Variants in MAGI3 observed in about 807,000 individuals in gnomAD.
MAGI3 encodes membrane associated guanylate kinase, WW and PDZ domain containing 3.
MAGI3 carries 43 observed loss-of-function variants against 121.8 expected under a neutral mutation model. The observed-to-expected ratio is 0.35, with a 90% confidence interval of 0.28 to 0.46. The LOEUF (loss-of-function observed/expected upper bound fraction) is 0.46. Among genes scored for constraint, MAGI3 ranks in the 20% least tolerant of loss-of-function variants. The pLI is 1.00. For missense variants in MAGI3, 1,547 were observed against 1,797.3 expected, an observed-to-expected ratio of 0.86 and a Z score of 2.52; for synonymous variants, 553 against 639.3, an observed-to-expected ratio of 0.86 and a Z score of 2.04.
At chr1:113,460,251 A>G (rs1570707567) in intron 1 of MAGI3, among the ~76,000 whole-genome samples, 1 of 152,340 alleles carries the variant, frequency 6.6e-6, no homozygotes, top group East Asian at 1.9e-4. Flanking sequence ...TCAATAAACT[A>G]GGTATTGAAG....
intron 1 of MAGI3, among the ~76,000 whole-genome samples, chr1:113,534,640 A>G (rs750994973): frequency 9.9e-5 from 15 of 152,180 alleles, no homozygotes; most frequent in Non-Finnish European, 1.6e-4. Flanking sequence ...TTATGATACT[A>G]TAACACTGGG....
At chr1:113,649,382 G>T in intron 13 of MAGI3, 54 bp downstream of exon 13, 1 of 1,257,988 alleles carries the variant, frequency 7.9e-7, no homozygotes, top group Non-Finnish European at 1.1e-6. Context: ...GTTTTGAGTG[G>T]TGATTTGGTG....
rs370838779 is a variant in MAGI3, at chr1:113,622,809, T to G, written c.1175T>G (p.Met392Arg). Residue 392 changes from methionine to arginine, a missense_variant, in exon 9 of 21, where the codon ATG becomes AGG. By Grantham distance (91) the Met-to-Arg change is moderately conservative. Coordinates refer to ENST00000307546, the MANE Select transcript of MAGI3 (RefSeq NM_001142782.2). ...QVEIGSSKPDMEKSHFTRDPS... is the reference protein window; with the variant it reads ...QVEIGSSKPDREKSHFTRDPS... ...CCCACTTCTCATTTTGGCACAGATA[T>G]GGAAAAATCACACTTCACAAGAGAT... is the stretch of plus-strand genomic sequence containing the variant. The G allele has an allele frequency of 2.5e-6, 4 of 1,571,516 alleles. No individual in the cohort carries two copies. The highest frequency in any genetic ancestry group is 2.4e-5 in the South Asian group (2 of 81,752).
chr1:113,456,117 AT>A (rs35038942), intron 1 of MAGI3, among the ~76,000 whole-genome samples: 1,202 of 113,224 alleles, frequency 0.011, 12 homozygotes, highest in Middle Eastern at 0.071. Context: ...CGCCCGGCTA[AT>A]TTTTTTTTTT....
At chr1:113,591,220 T>C (rs1648671852) in intron 5 of MAGI3, among the ~76,000 whole-genome samples, 1 of 152,090 alleles carries the variant, frequency 6.6e-6, no homozygotes, top group Admixed American at 6.6e-5. Flanking sequence ...CTGATTACCA[T>C]ATATATTAGA....
intron 3 of MAGI3, among the ~76,000 whole-genome samples, chr1:113,584,230 T>C (rs563338135): frequency 1.3e-5 from 2 of 152,258 alleles, no homozygotes; most frequent in South Asian, 4.1e-4. Context: ...GTTAGCATAA[T>C]GATTAATAGA....
At position 113,592,815 on chromosome 1, in the gene MAGI3, A is replaced by C. The variant is rs142136574; in HGVS notation, c.939-1666A>C. 5.0e-3 allele frequency among the ~76,000 whole-genome samples: 765 copies of C among 152,188 alleles called. 4 individuals carry two copies. The highest frequency in any genetic ancestry group is 0.018 in the African/African-American group (738 of 41,534). ...ATTATGAGGTCAGGAGATCGAGACC[A>C]TCCTGGCTAACATGGTGAAACTCTG... On this transcript the variant is annotated intron_variant, in intron 5 of 20. Coordinates refer to ENST00000307546, the MANE Select transcript of MAGI3 (RefSeq NM_001142782.2).
chr1:113,480,494 A>C (rs1656057718), intron 1 of MAGI3, among the ~76,000 whole-genome samples: 1 of 152,104 alleles, frequency 6.6e-6, no homozygotes, highest in Non-Finnish European at 1.5e-5. Flanking sequence ...GTTGACCTGG[A>C]TGTTAGCTCT....
chr1:113,567,717 G>A (rs942350711), intron 2 of MAGI3, among the ~76,000 whole-genome samples: 1 of 151,932 alleles, frequency 6.6e-6, no homozygotes, highest in African/African-American at 2.4e-5. Context: ...ATTAGGAGTA[G>A]AAGGAAACTA....
In MAGI3 at chr1:113,643,733, T is replaced by A; in HGVS notation, c.1967-10T>A. 1 of 1,613,918 alleles carries A rather than the reference T, an allele frequency of 6.2e-7. No homozygotes were observed. Among genetic ancestry groups the A allele is most frequent in the Non-Finnish European group, 8.5e-7 (1 of 1,179,806 alleles). On this transcript the variant is annotated splice_polypyrimidine_tract_variant and intron_variant, in intron 10 of 20. Coordinates refer to ENST00000307546, the MANE Select transcript of MAGI3 (RefSeq NM_001142782.2). The stretch of plus-strand genomic sequence containing the variant: ...TCTGGTTTTAAACTTTGGTTCATTT[T>A]TTTTTTAAGGTCCTCCTTCACCAAC...
At chr1:113,580,699 T>G (rs764445583) in intron 3 of MAGI3, 38 bp downstream of exon 3, 1 of 1,532,810 alleles carries the variant, frequency 6.5e-7, no homozygotes, top group Non-Finnish European at 8.8e-7. Flanking sequence ...CCCAAAAAAC[T>G]ATCTGAACGA....
chr1:113,594,653 A>G, intron 6 of MAGI3, 93 bp downstream of exon 6: 1 of 1,035,042 alleles, frequency 9.7e-7, no homozygotes, highest in Middle Eastern at 2.1e-4. Context: ...AACCCTAAAC[A>G]AACCATAATG....
At chr1:113,557,105 C>T (rs773200110) in intron 2 of MAGI3, among the ~76,000 whole-genome samples, 6 of 152,232 alleles carry the variant, frequency 3.9e-5, no homozygotes, top group Admixed American at 6.5e-5. Context: ...TTCCAGCCTG[C>T]GGGCTTTGGA....
chr1:113,669,283 G>C (rs920921002), intron 16 of MAGI3, among the ~76,000 whole-genome samples: 5 of 152,326 alleles, frequency 3.3e-5, no homozygotes, highest in Admixed American at 6.5e-5. Flanking sequence ...AGTGAGTACA[G>C]GAATATCGAG....
At chr1:113,418,242 A>G (rs574257576) in intron 1 of MAGI3, among the ~76,000 whole-genome samples, 1 of 152,160 alleles carries the variant, frequency 6.6e-6, no homozygotes. Flanking sequence ...TTAGTGTCTG[A>G]TAACTTCAAA....
chr1:113,661,732 AGAG>A (rs140867736), intron 16 of MAGI3, among the ~76,000 whole-genome samples: 3,395 of 152,300 alleles, frequency 0.022, 130 homozygotes, highest in African/African-American at 0.077. Context: ...TGCAGAGAAA[AGAG>A]AAGGGTGGAG....
chr1:113,592,186 A>ATGT (rs1557840484), intron 5 of MAGI3, among the ~76,000 whole-genome samples: 5 of 152,202 alleles, frequency 3.3e-5, no homozygotes, highest in African/African-American at 1.2e-4. Flanking sequence ...TATATATTAT[A>ATGT]AAGGGTTAAT....
At chr1:113,578,040 G>A (rs1647764113) in intron 2 of MAGI3, among the ~76,000 whole-genome samples, 1 of 152,150 alleles carries the variant, frequency 6.6e-6, no homozygotes, top group South Asian at 2.1e-4. Flanking sequence ...GTTGGGCTCA[G>A]TCGGGACCAT....
intron 1 of MAGI3, among the ~76,000 whole-genome samples, chr1:113,401,016 T>C (rs1189852588): frequency 3.3e-5 from 5 of 152,152 alleles, no homozygotes; most frequent in South Asian, 2.1e-4. Flanking sequence ...ACCTGTCTTA[T>C]TTGGTTTATA....
Sources: gnomAD v4.1 joint callset for allele counts (sites outside exome capture counted in the v4.1 genomes callset) on GRCh38, gnomAD v4.1.1 for gene constraint, MANE v1.5 for transcripts, NCBI Gene and HGNC (gene_info 2026-07-23, HGNC 2026-07-21) for gene names.